The following TRAK1 variants were observed in gnomAD, a reference collection of about 807,000 sequenced individuals.
The protein encoded by TRAK1 is trafficking kinesin protein 1.
In TRAK1, 33 loss-of-function variants were observed where a neutral mutation model predicts 92.1. The ratio of observed to expected loss-of-function variants is 0.36; its 90% CI spans 0.27 to 0.48. The LOEUF (loss-of-function observed/expected upper bound fraction) is 0.48, where lower values mean the gene tolerates loss of function less well. TRAK1 is among the 20% of genes least tolerant of loss of function. TRAK1 has a pLI of 0.99. For synonymous variants in TRAK1, 521 were observed against 517.3 expected, an observed-to-expected ratio of 1.01 and a Z score of -0.10; for missense variants, 1,123 against 1,257.9, an observed-to-expected ratio of 0.89 and a Z score of 1.62.
chr3:42,147,043 C>T (rs911976854), intron 2 of TRAK1, among the ~76,000 whole-genome samples: 1 of 152,150 alleles, frequency 6.6e-6, no homozygotes, highest in Non-Finnish European at 1.5e-5. Flanking sequence ...ACACCGGACT[C>T]CATTCACCTG....
chr3:42,220,594 G>A (rs1710252839), intron 15 of TRAK1: 1 of 985,280 alleles, frequency 1.0e-6, no homozygotes, highest in South Asian at 4.7e-5. Flanking sequence ...GGCAGGGGGT[G>A]AGCACACCGC....
Position 42,125,631 on chromosome 3 carries a change from G to A in TRAK1, c.286+17G>A. 3 of 1,613,398 alleles carry A rather than the reference G, an allele frequency of 1.9e-6. No homozygotes were observed. Among genetic ancestry groups the A allele is most frequent in the Non-Finnish European group, 2.5e-6 (3 of 1,179,408 alleles). On this transcript the variant is annotated intron_variant, in intron 2 of 15. Coordinates refer to ENST00000327628, the MANE Select transcript of TRAK1 (RefSeq NM_001042646.3). ...AATACTTCCGTAAGTAGTTGTCCAT[G>A]TGTGTTGTGATGGCAGTATCATGAT...
At chr3:42,093,131 C>G (rs1365195653) in intron 1 of TRAK1, among the ~76,000 whole-genome samples, 1 of 151,902 alleles carries the variant, frequency 6.6e-6, no homozygotes, top group Non-Finnish European at 1.5e-5. Flanking sequence ...ATATATATCC[C>G]TTTTACAACA....
chr3:42,029,490 C>G (rs1029858739), intron 1 of TRAK1, among the ~76,000 whole-genome samples: 3 of 151,472 alleles, frequency 2.0e-5, no homozygotes, highest in African/African-American at 7.3e-5. Flanking sequence ...CATCCTCCCT[C>G]CTTGTCTTCC....
At position 42,114,744 on chromosome 3, in the gene TRAK1, C is replaced by T. The variant is rs148476576; in HGVS notation, c.92-10676C>T. 1.0e-3 allele frequency among the ~76,000 whole-genome samples: 155 copies of T among 151,864 alleles called. 1 individual carries two copies. Among genetic ancestry groups the T allele is most frequent in the Non-Finnish European group, 1.8e-3 (122 of 67,980 alleles). On this transcript the variant is annotated intron_variant, in intron 1 of 15. Transcript: ENST00000327628. ...TTCTTTTTTTTTGAGACAGAGTCTC[C>T]CTCTGTTGCCCAGGCTGGAGTGCAA... is the stretch of plus-strand genomic sequence containing the variant.
intron 2 of TRAK1, among the ~76,000 whole-genome samples, chr3:42,174,707 T>A (rs890325054): frequency 1.3e-5 from 2 of 148,270 alleles, no homozygotes; most frequent in Non-Finnish European, 3.0e-5. Context: ...TATACAAAAA[T>A]ATATATAAAA....
At chr3:42,114,212 TTATC>T (rs1708867188) in intron 1 of TRAK1, among the ~76,000 whole-genome samples, 1 of 152,240 alleles carries the variant, frequency 6.6e-6, no homozygotes, top group South Asian at 2.1e-4. Flanking sequence ...CACATTTTGT[TTATC>T]CATTCATCTG....
intron 1 of TRAK1, among the ~76,000 whole-genome samples, chr3:42,106,038 A>G (rs988336400): frequency 3.9e-5 from 6 of 152,238 alleles, no homozygotes; most frequent in African/African-American, 1.4e-4. Context: ...ATGGAAAGGA[A>G]CAACCAGTAC....
intron 1 of TRAK1, among the ~76,000 whole-genome samples, chr3:42,107,139 C>A (rs909398242): frequency 2.7e-4 from 41 of 152,318 alleles, no homozygotes; most frequent in African/African-American, 8.2e-4. Context: ...GGCAGCTGCT[C>A]AGGCTACCTT....
At chr3:42,203,013 T>C (rs1707861785) in intron 13 of TRAK1, 3 of 1,267,820 alleles carry the variant, frequency 2.4e-6, no homozygotes, top group Non-Finnish European at 2.0e-6. Flanking sequence ...ACTGTGGTCT[T>C]CTAGTTCTTT....
rs1039244443 is a variant in TRAK1 at position 42,225,491 on chromosome 3, T to G, written c.*1754T>G. On this transcript the variant is annotated 3_prime_UTR_variant, in exon 16 of 16. Transcript: ENST00000327628. Reference sequence around the variant, plus strand: ...ATTCACTGCAAGTAACTTATATCTTTTTATTTGAATGTATTTTAAAGCAGT... The same window carrying G: ...ATTCACTGCAAGTAACTTATATCTTGTTATTTGAATGTATTTTAAAGCAGT... The G allele has an allele frequency of 1.4e-4, 21 of 152,342 alleles. No individual in the cohort carries two copies. Among genetic ancestry groups the G allele is most frequent in the East Asian group, 1.2e-3 (6 of 5,190 alleles). The allele number at this position is 152,342 out of a possible 1,614,324, so 9.4% of individuals were successfully genotyped here. A position where few individuals can be genotyped will look rare whatever the true frequency, so the allele number is the denominator to read the frequency against.
chr3:42,086,700 G>C (rs73828530), upstream of TRAK1, among the ~76,000 whole-genome samples: 583 of 152,220 alleles, frequency 3.8e-3, 2 homozygotes, highest in African/African-American at 0.014. Flanking sequence ...TTAGAGAGTT[G>C]AGAAGTTATT....
At position 42,137,171 on chromosome 3, in the gene TRAK1, A is replaced by G. The variant is rs574636850; in HGVS notation, c.286+11557A>G. On this transcript the variant is annotated intron_variant, in intron 2 of 15. Transcript: ENST00000327628. Reference sequence around the variant, plus strand: ...TTGTATGTTGACCATTTCCTTTGGCATTAAATTTCTTGAAAAACACAATTT... The same window carrying G: ...TTGTATGTTGACCATTTCCTTTGGCGTTAAATTTCTTGAAAAACACAATTT... Among the ~76,000 whole-genome samples the G allele has an allele frequency of 1.6e-3, 240 of 152,310 alleles. 1 individual carries two copies. Among genetic ancestry groups the G allele is most frequent in the Non-Finnish European group, 2.8e-3 (193 of 68,026 alleles).
chr3:42,053,969 C>T (rs867809273), intron 1 of TRAK1, among the ~76,000 whole-genome samples: 5 of 152,104 alleles, frequency 3.3e-5, no homozygotes. Flanking sequence ...TGGAATTTCT[C>T]TAAACACTCT....
At position 42,070,416 on chromosome 3, in the gene TRAK1, A is replaced by C. The variant is rs1703886046; in HGVS notation, c.-518-16688A>C. Among the ~76,000 whole-genome samples the C allele has an allele frequency of 5.3e-5, 8 of 150,992 alleles. No homozygotes were observed. In the South Asian group the frequency reaches 1.7e-3, roughly 32 times the overall value. On this transcript the variant is annotated intron_variant, in intron 1 of 16. Transcript: ENST00000487159. ...ATTTTTTTTCCTGAAAACTTTTATT[A>C]CTGAATTTTATTGTTGTTGCTGTTG...
intron 13 of TRAK1, among the ~76,000 whole-genome samples, chr3:42,207,613 T>C (rs1009422814): frequency 1.3e-5 from 2 of 152,186 alleles, no homozygotes; most frequent in African/African-American, 4.8e-5. Context: ...GCTGATATAA[T>C]ACATGTAAAA....
At chr3:42,038,285 A>G (rs1454003594) in intron 1 of TRAK1, among the ~76,000 whole-genome samples, 1 of 152,148 alleles carries the variant, frequency 6.6e-6, no homozygotes, top group African/African-American at 2.4e-5. Context: ...GGTCAGGAAT[A>G]CTGAATTGAA....
At chr3:42,094,095 A>G (rs1705538281) in intron 1 of TRAK1, among the ~76,000 whole-genome samples, 1 of 152,162 alleles carries the variant, frequency 6.6e-6, no homozygotes, top group African/African-American at 2.4e-5. Context: ...AATAGGAAAA[A>G]AAAATGGCAG....
chr3:42,124,248 C>T (rs1710277576), intron 1 of TRAK1, among the ~76,000 whole-genome samples: 1 of 152,066 alleles, frequency 6.6e-6, no homozygotes. Flanking sequence ...CCTCTCCTGT[C>T]TAGTTGTGTG....
Sources: gnomAD v4.1 joint callset for allele counts (sites outside exome capture counted in the v4.1 genomes callset) on GRCh38, gnomAD v4.1.1 for gene constraint, MANE v1.5 for transcripts, NCBI Gene and HGNC (gene_info 2026-07-23, HGNC 2026-07-21) for gene names.